The following JMJD1C variants were observed in gnomAD, a reference collection of about 807,000 sequenced individuals.
JMJD1C encodes jumonji domain-containing protein 1C.
A neutral mutation model predicts 245.3 loss-of-function variants in JMJD1C; 31 were observed. The observed-to-expected ratio is 0.13, with a 90% CI of 0.09 to 0.17. The LOEUF is 0.17. Among genes scored for constraint, JMJD1C ranks in the 10% least tolerant of loss-of-function variants. The probability of loss-of-function intolerance (pLI) is 1.00; values close to 1 mark genes in which losing one functional copy is unlikely to be tolerated. For missense variants in JMJD1C, 2,691 were observed against 3,000.2 expected (o/e 0.90, Z 2.41); for synonymous variants, 1,057 against 1,017.4 (o/e 1.04, Z -0.74).
chr10:63,355,914 A>C (rs1944802836), intron 2 of JMJD1C, among the ~76,000 whole-genome samples: 1 of 152,216 alleles, frequency 6.6e-6, no homozygotes, highest in South Asian at 2.1e-4. Context: ...TCGAGCTGAA[A>C]TAGCAGGCTA....
At chr10:63,518,824 C>T (rs79428595) in intron 1 of JMJD1C, among the ~76,000 whole-genome samples, 28 of 152,342 alleles carry the variant, frequency 1.8e-4, no homozygotes, top group African/African-American at 6.3e-4. Flanking sequence ...AAATGCCTTC[C>T]AGTTTCCCCT....
intron 1 of JMJD1C, among the ~76,000 whole-genome samples, chr10:63,462,038 T>C (rs1037352736): frequency 1.3e-5 from 2 of 152,084 alleles, no homozygotes; most frequent in African/African-American, 4.8e-5. Flanking sequence ...AGCAGTAATG[T>C]CAAAAATGTA....
chr10:63,204,348 G>A (rs1846357918), intron 10 of JMJD1C: 1 of 985,116 alleles, frequency 1.0e-6, no homozygotes, highest in African/African-American at 1.7e-5. Flanking sequence ...CACTCATTCT[G>A]GCCCTTTTCT....
chr10:63,338,843 T>TA (rs1943112408), intron 2 of JMJD1C, among the ~76,000 whole-genome samples: 1 of 151,692 alleles, frequency 6.6e-6, no homozygotes, highest in Non-Finnish European at 1.5e-5. Flanking sequence ...AGACAGGGTT[T>TA]ACTCCATGTT....
Position 63,207,541 on chromosome 10 carries a change from T to A in JMJD1C, c.4128A>T (p.Ser1376=). The A allele has an allele frequency of 6.2e-7, 1 of 1,613,776 alleles. No homozygotes were observed. The highest frequency in any genetic ancestry group is 8.5e-7 in the Non-Finnish European group (1 of 1,179,630). Residue 1376 remains serine (S), a synonymous_variant, in exon 10 of 26, where the codon TCA becomes TCT. Transcript: ENST00000399262. ...TKSEKNFQAV[S]QGSVPSSVMS... ...TGACTGAACTGGGAACACTGCCCTGTGAGACAGCCTGAAAGTTTTTTTCAG... is the reference window on the plus strand; with the variant it reads ...TGACTGAACTGGGAACACTGCCCTGAGAGACAGCCTGAAAGTTTTTTTCAG...
intron 1 of JMJD1C, among the ~76,000 whole-genome samples, chr10:63,409,501 A>G (rs1325050609): frequency 3.9e-5 from 6 of 152,214 alleles, no homozygotes; most frequent in African/African-American, 1.4e-4. Flanking sequence ...TTTAATTGGT[A>G]TCTAGTAAAA....
chr10:63,376,941 A>G (rs567212489), intron 2 of JMJD1C, among the ~76,000 whole-genome samples: 1 of 152,336 alleles, frequency 6.6e-6, no homozygotes, highest in South Asian at 2.1e-4. Flanking sequence ...AAATAGTTGA[A>G]CACAGAGGCT....
intron 1 of JMJD1C, among the ~76,000 whole-genome samples, chr10:63,478,521 G>C (rs1953730331): frequency 6.6e-6 from 1 of 152,140 alleles, no homozygotes; most frequent in Non-Finnish European, 1.5e-5. Context: ...GAACTCACTA[G>C]AGAGACTCAT....
At chr10:63,230,422 A>G (rs921192826) in intron 3 of JMJD1C, among the ~76,000 whole-genome samples, 5 of 152,134 alleles carry the variant, frequency 3.3e-5, no homozygotes, top group African/African-American at 1.2e-4. Context: ...AGTTTTGAAT[A>G]CCATTCATTT....
chr10:63,331,967 C>T (rs1292478204), intron 2 of JMJD1C, among the ~76,000 whole-genome samples: 1 of 152,178 alleles, frequency 6.6e-6, no homozygotes, highest in Non-Finnish European at 1.5e-5. Context: ...CCAGGGTATA[C>T]ACATACTACC....
chr10:63,309,356 T>C (rs1938792667), intron 2 of JMJD1C, among the ~76,000 whole-genome samples: 1 of 150,794 alleles, frequency 6.6e-6, no homozygotes, highest in South Asian at 2.1e-4. Context: ...TAACCAGGCG[T>C]GGTGGCAGGC....
At chr10:63,459,695 T>A (rs1268169776) in intron 1 of JMJD1C, among the ~76,000 whole-genome samples, 2 of 152,050 alleles carry the variant, frequency 1.3e-5, no homozygotes, top group Non-Finnish European at 2.9e-5. Flanking sequence ...AATAACAAAT[T>A]TAAAAGTTTC....
At chr10:63,317,659 C>T (rs1940261623) in intron 2 of JMJD1C, among the ~76,000 whole-genome samples, 1 of 152,158 alleles carries the variant, frequency 6.6e-6, no homozygotes, top group Non-Finnish European at 1.5e-5. Flanking sequence ...AATATTTTCA[C>T]TGGCTGCCTC....
chr10:63,286,684 C>T (rs897473361), intron 2 of JMJD1C, among the ~76,000 whole-genome samples: 2 of 152,116 alleles, frequency 1.3e-5, no homozygotes, highest in Non-Finnish European at 2.9e-5. Context: ...TACGAAAAAT[C>T]TAGGGCTAGT....
chr10:63,419,772 G>A (rs1050681939), intron 1 of JMJD1C, among the ~76,000 whole-genome samples: 5 of 141,540 alleles, frequency 3.5e-5, no homozygotes, highest in Non-Finnish European at 6.1e-5. Flanking sequence ...GAAAAGGATA[G>A]TTAATCAGAC....
chr10:63,251,078 G>A (rs59349729), intron 3 of JMJD1C, among the ~76,000 whole-genome samples: 5,612 of 152,144 alleles, frequency 0.037, 334 homozygotes, highest in East Asian at 0.29. Context: ...TAGGTATTGC[G>A]TTTTTCAAGT....
chr10:63,183,405 T>C (rs564377810), intron 22 of JMJD1C, 42 bp downstream of exon 22: 5 of 1,553,118 alleles, frequency 3.2e-6, no homozygotes, highest in African/African-American at 2.8e-5. Flanking sequence ...AATGTGATTA[T>C]TCAACTCTTA....
Position 63,276,884 on chromosome 10 carries a change from C to CTTTTTTTTTTTTTTT in JMJD1C, c.334-12135_334-12121dup, listed in dbSNP as rs760452367. The stretch of plus-strand genomic sequence containing the variant: ...CTATGGAAGGAATAGAAGCTTGGGG[C>CTTTTTTTTTTTTTTT]TTTTTTTTTTTTTTTTTTGAGAGAG... On this transcript the variant is annotated intron_variant, in intron 2 of 25. Transcript: ENST00000399262. 1.7e-4 allele frequency among the ~76,000 whole-genome samples: 16 copies of CTTTTTTTTTTTTTTT among 96,280 alleles called. 3 individuals are homozygous for CTTTTTTTTTTTTTTT. Among genetic ancestry groups the CTTTTTTTTTTTTTTT allele is most frequent in the Admixed American group, 2.6e-4 (2 of 7,842 alleles). The allele number at this position is 96,280 out of a possible 152,430, so 63.2% of individuals were successfully genotyped here. A position where few individuals can be genotyped will look rare whatever the true frequency, so the allele number is the denominator to read the frequency against.
At chr10:63,301,808 A>G in intron 2 of JMJD1C, 1 of 411,762 alleles carries the variant, frequency 2.4e-6, no homozygotes, top group Non-Finnish European at 4.8e-6. Flanking sequence ...CCCAGAACTT[A>G]AAAGTAAAAT....
Sources: gnomAD v4.1 joint callset for allele counts (sites outside exome capture counted in the v4.1 genomes callset) on GRCh38, gnomAD v4.1.1 for gene constraint, MANE v1.5 for transcripts, NCBI Gene and HGNC (gene_info 2026-07-23, HGNC 2026-07-21) for gene names.